The following MIA2 variants were observed in gnomAD, a reference collection of about 807,000 sequenced individuals.
MIA2 encodes the protein melanoma inhibitory activity protein 2.
In MIA2, 127 loss-of-function variants were observed where a neutral mutation model predicts 167.8. The ratio of observed to expected loss-of-function variants is 0.76; its 90% CI spans 0.66 to 0.88. The LOEUF (loss-of-function observed/expected upper bound fraction) is 0.88. Among genes scored for constraint, MIA2 ranks in the 40% least tolerant of loss-of-function variants. MIA2 has a pLI of 0.00. For missense variants in MIA2, 1,690 were observed against 1,624.7 expected, an observed-to-expected ratio of 1.04 and a Z score of -0.69; for synonymous variants, 552 against 541.9, an observed-to-expected ratio of 1.02 and a Z score of -0.26.
At chr14:39,297,666 C>CGTGT (rs71435638) in intron 13 of MIA2, among the ~76,000 whole-genome samples, 17,005 of 140,072 alleles carry the variant, frequency 0.12, 1,084 homozygotes, top group South Asian at 0.16. Context: ...TAGGGTTTTG[C>CGTGT]GTGTGTGTGT....
chr14:39,359,062 A>G (rs1329444925), intron 23 of MIA2, among the ~76,000 whole-genome samples: 2 of 152,158 alleles, frequency 1.3e-5, no homozygotes, highest in Admixed American at 6.5e-5. Flanking sequence ...TGGGAGAACC[A>G]CTACTCTCTT....
intron 13 of MIA2, among the ~76,000 whole-genome samples, chr14:39,297,449 C>A (rs1231873551): frequency 1.3e-5 from 2 of 152,150 alleles, no homozygotes; most frequent in African/African-American, 4.8e-5. Context: ...AGAGCATTTC[C>A]ACAGGGATGA....
At chr14:39,372,170 AC>A (rs1009579079) in intron 23 of MIA2, among the ~76,000 whole-genome samples, 1 of 147,970 alleles carries the variant, frequency 6.8e-6, no homozygotes, top group African/African-American at 2.7e-5. Flanking sequence ...AGAATGGAGT[AC>A]TGTGTAGGCA....
chr14:39,245,109 C>A (rs1389070067), intron 3 of MIA2, among the ~76,000 whole-genome samples: 1 of 81,598 alleles, frequency 1.2e-5, no homozygotes, highest in Non-Finnish European at 2.6e-5. Flanking sequence ...CAGGATCTTG[C>A]CTTGTTGCTT....
intron 14 of MIA2, among the ~76,000 whole-genome samples, chr14:39,301,900 T>C (rs2062574151): frequency 1.3e-5 from 2 of 152,240 alleles, no homozygotes; most frequent in African/African-American, 2.4e-5. Flanking sequence ...ATATGTACTA[T>C]ATTTGATTTG....
chr14:39,387,010 G>T, exon 24 of MIA2: 1 of 751,932 alleles, frequency 1.3e-6, no homozygotes, highest in Non-Finnish European at 2.3e-6. Flanking sequence ...ATCTGTTCAA[G>T]TGGAACAGAA....
downstream of MIA2, among the ~76,000 whole-genome samples, chr14:39,352,525 G>A (rs1445413552): frequency 1.3e-5 from 2 of 151,876 alleles, no homozygotes; most frequent in Non-Finnish European, 2.9e-5. Flanking sequence ...GAAATTGTAG[G>A]TCAGAATTTG....
chr14:39,328,399 C>G (rs890457629), intron 25 of MIA2, among the ~76,000 whole-genome samples: 4 of 152,104 alleles, frequency 2.6e-5, no homozygotes, highest in South Asian at 2.1e-4. Context: ...CAAAAATTTT[C>G]TCCCATTCTG....
intron 23 of MIA2, among the ~76,000 whole-genome samples, chr14:39,376,608 T>TC (rs562302770): frequency 1.3e-5 from 2 of 152,358 alleles, no homozygotes; most frequent in African/African-American, 4.8e-5. Context: ...GTTTGTTTTT[T>TC]CAATCTCATG....
chr14:39,347,637 A>T (rs750923917), intron 26 of MIA2, 76 bp from the exon 27 acceptor site: 4 of 1,489,606 alleles, frequency 2.7e-6, no homozygotes, highest in African/African-American at 1.4e-5. Flanking sequence ...GGAAAATACC[A>T]ATTTTGTGAT....
At chr14:39,321,581 G>T (rs1253562530) in intron 24 of MIA2, among the ~76,000 whole-genome samples, 6 of 152,050 alleles carry the variant, frequency 3.9e-5, no homozygotes, top group African/African-American at 1.4e-4. Context: ...CTCCCAAAGT[G>T]CTGGGATTAC....
In MIA2 at chr14:39,248,028, T is replaced by C; in HGVS notation, c.1454T>C (p.Ile485Thr). ...KETELPFPKQ[I>T]LDQNNVIENE... is the part of the protein sequence containing the mutation. ...ACAGAATTGCCATTTCCCAAACAGA[T>C]ACTGGATCAAAATAATGTAATTGAA... Residue 485 changes from isoleucine to threonine, a missense_variant, in exon 4 of 29, where the codon ATA (isoleucine) becomes ACA (threonine). Ile to Thr is a moderately conservative substitution (Grantham distance 89). Coordinates refer to ENST00000640607, the MANE Select transcript of MIA2 (RefSeq NM_001329214.4). 1 of 1,574,038 alleles carries C rather than the reference T, an allele frequency of 6.4e-7. No homozygotes were observed. The highest frequency in any genetic ancestry group is 8.6e-7 in the Non-Finnish European group (1 of 1,168,658).
chr14:39,302,110 C>T lies in MIA2; in HGVS notation c.2620-19C>T, dbSNP rs1392143253. On this transcript the variant is annotated intron_variant, in intron 14 of 28. Coordinates refer to ENST00000640607, the MANE Select transcript of MIA2 (RefSeq NM_001329214.4). ...TAAGGCATTACCCTCTCTATTTTTC[C>T]CCTTTGTTCAATGTCAAGACTCTGA... 6 of 1,607,098 alleles carry T rather than the reference C, an allele frequency of 3.7e-6. No individual in the cohort carries two copies. Among genetic ancestry groups the T allele is most frequent in the South Asian group, 1.1e-5 (1 of 90,130 alleles).
chr14:39,264,419 G>C (rs909004918), intron 6 of MIA2, among the ~76,000 whole-genome samples: 3 of 152,204 alleles, frequency 2.0e-5, no homozygotes, highest in African/African-American at 7.2e-5. Flanking sequence ...GAGTGCACGT[G>C]TCTTTTGTTA....
downstream of MIA2, among the ~76,000 whole-genome samples, chr14:39,355,940 G>T (rs1239253491): frequency 6.6e-6 from 1 of 152,100 alleles, no homozygotes; most frequent in East Asian, 1.9e-4. Context: ...GATGTGCTGT[G>T]GATTCGGTTT....
At chr14:39,242,379 A>G (rs1401403606) in intron 3 of MIA2, among the ~76,000 whole-genome samples, 2 of 150,150 alleles carry the variant, frequency 1.3e-5, no homozygotes, top group Non-Finnish European at 2.9e-5. Context: ...CTGGAGTGCA[A>G]TGGCATGATC....
At chr14:39,343,605 T>A (rs1003203244) in intron 25 of MIA2, among the ~76,000 whole-genome samples, 3 of 152,228 alleles carry the variant, frequency 2.0e-5, no homozygotes, top group Admixed American at 6.5e-5. Context: ...TTTTTTCTTA[T>A]CTTTTTTTCT....
chr14:39,262,794 A>G (rs1020131704), intron 6 of MIA2, among the ~76,000 whole-genome samples: 1 of 152,062 alleles, frequency 6.6e-6, no homozygotes, highest in African/African-American at 2.4e-5. Context: ...ATGGGAGTTC[A>G]CTCATGATTT....
rs1227190207 is a variant in MIA2 at position 39,242,228 on chromosome 14, AACC to A, written c.336+1583_336+1585del. Among the ~76,000 whole-genome samples the A allele has an allele frequency of 4.6e-5, 7 of 152,348 alleles. No individual in the cohort carries two copies. In the South Asian group the frequency reaches 8.3e-4, roughly 18 times the overall value. On this transcript the variant is annotated intron_variant, in intron 3 of 28. Coordinates refer to ENST00000640607, the MANE Select transcript of MIA2 (RefSeq NM_001329214.4). ...GCTGAGTTTGAAAATTAAAAATAAA[AACC>A]AGTGCCTTGGAGAGGCCTTCCATGA...
Sources: allele counts gnomAD v4.1 joint callset (sites outside exome capture counted in the v4.1 genomes callset), GRCh38; gene constraint gnomAD v4.1.1; transcripts MANE v1.5; gene names NCBI Gene and HGNC (gene_info 2026-07-23, HGNC 2026-07-21).